TIAM1: variants seen among roughly 807,000 people sequenced by gnomAD.
TIAM1 encodes TIAM Rac1 associated GEF 1.
In TIAM1, 65 loss-of-function variants were observed where a neutral mutation model predicts 163.5. The ratio of observed to expected loss-of-function variants is 0.40; its 90% confidence interval spans 0.33 to 0.49. TIAM1 has a LOEUF of 0.49. Ranked by LOEUF, TIAM1 falls within the 20% of genes least tolerant of loss-of-function variation. The pLI, the probability that TIAM1 is intolerant of heterozygous loss-of-function variation, is 0.77. For synonymous variants in TIAM1, 833 were observed against 810.1 expected (o/e 1.03, Z -0.48); for missense variants, 1,789 against 2,044.7 (o/e 0.87, Z 2.41).
At chr21:31,275,103 C>T (rs1333685251) in intron 3 of TIAM1, among the ~76,000 whole-genome samples, 1 of 143,214 alleles carries the variant, frequency 7.0e-6, no homozygotes, top group East Asian at 2.1e-4. Context: ...GCCTGGGTGA[C>T]AGAGCAAAAT....
intron 13 of TIAM1, among the ~76,000 whole-genome samples, chr21:31,192,661 G>A (rs1259124049): frequency 1.3e-5 from 2 of 151,844 alleles, no homozygotes; most frequent in Admixed American, 1.3e-4. Flanking sequence ...AATCTTAAGC[G>A]AGCATATGAG....
chr21:31,469,277 G>C (rs1474334966), intron 1 of TIAM1, among the ~76,000 whole-genome samples: 1 of 151,296 alleles, frequency 6.6e-6, no homozygotes, highest in African/African-American at 2.4e-5. Context: ...GCAGCAGGGG[G>C]GTTGGTAGAG....
chr21:31,439,829 C>A (rs2147298182), intron 2 of TIAM1, among the ~76,000 whole-genome samples: 1 of 152,312 alleles, frequency 6.6e-6, no homozygotes, highest in Non-Finnish European at 1.5e-5. Context: ...CCACTTTCTG[C>A]TGAACCATGT....
At chr21:31,382,773 T>A (rs575626662) in intron 2 of TIAM1, among the ~76,000 whole-genome samples, 6 of 152,298 alleles carry the variant, frequency 3.9e-5, no homozygotes, top group African/African-American at 7.2e-5. Flanking sequence ...ACTAAAAAAA[T>A]TAATGAAAGC....
rs1256067838 is a variant in TIAM1 at position 31,516,733 on chromosome 21, G to A, written c.-422+42194C>T. 2.0e-5 allele frequency among the ~76,000 whole-genome samples: 3 copies of A among 150,924 alleles called. No homozygotes were observed. The East Asian group carries it at 5.8e-4, about 29-fold the overall frequency. On this transcript the variant is annotated intron_variant, in intron 1 of 28. Coordinates refer to the TIAM1 transcript ENST00000286827. ...AAAATCAGAATAAAATTGAATAACA[G>A]GGCAGCACAGCACAAAATCCTTAGA...
At chr21:31,527,287 T>C (rs1196929063) in intron 1 of TIAM1, among the ~76,000 whole-genome samples, 1 of 152,038 alleles carries the variant, frequency 6.6e-6, no homozygotes, top group Non-Finnish European at 1.5e-5. Context: ...ATTTTCTAAA[T>C]AGAAAATTTT....
chr21:31,387,554 G>T (rs1387852977), intron 2 of TIAM1, among the ~76,000 whole-genome samples: 1 of 151,832 alleles, frequency 6.6e-6, no homozygotes, highest in Non-Finnish European at 1.5e-5. Flanking sequence ...TGGTGTGCAG[G>T]GACACTGTCT....
chr21:31,302,012 G>A (rs1014936618), intron 2 of TIAM1, among the ~76,000 whole-genome samples: 15 of 151,180 alleles, frequency 9.9e-5, no homozygotes, highest in African/African-American at 3.6e-4. Flanking sequence ...ATATAAAATG[G>A]AGATGTAAAT....
intron 9 of TIAM1, among the ~76,000 whole-genome samples, chr21:31,217,161 T>G (rs369069778): frequency 1.3e-5 from 2 of 151,496 alleles, no homozygotes; most frequent in East Asian, 3.9e-4. Context: ...CAGCCAAGAT[T>G]GTGCCACTGC....
chr21:31,148,971 TTG>T (rs557806003), intron 19 of TIAM1, among the ~76,000 whole-genome samples: 4 of 26,696 alleles, frequency 1.5e-4, no homozygotes, highest in African/African-American at 2.6e-4. Flanking sequence ...TCTTTTTTTT[TTG>T]GTCAAATATA....
At chr21:31,330,994 A>G (rs1401693898) in intron 2 of TIAM1, among the ~76,000 whole-genome samples, 1 of 152,128 alleles carries the variant, frequency 6.6e-6, no homozygotes, top group Non-Finnish European at 1.5e-5. Flanking sequence ...TATTAAATAA[A>G]CATGTCCGTG....
At chr21:31,210,561 A>AGAAG (rs1569030843) in intron 10 of TIAM1, among the ~76,000 whole-genome samples, 19 of 117,622 alleles carry the variant, frequency 1.6e-4, no homozygotes, top group African/African-American at 8.0e-4. Context: ...AAAGAAAGAA[A>AGAAG]GAAAGAAAGA....
At chr21:31,556,961 A>G (rs1307753796) in intron 1 of TIAM1, among the ~76,000 whole-genome samples, 1 of 152,208 alleles carries the variant, frequency 6.6e-6, no homozygotes, top group Admixed American at 6.5e-5. Flanking sequence ...TCTCCTAGAA[A>G]GTGTTCCCTC....
At chr21:31,309,437 G>A (rs140905575) in intron 2 of TIAM1, among the ~76,000 whole-genome samples, 1,596 of 152,242 alleles carry the variant, frequency 0.01, 37 homozygotes, top group African/African-American at 0.037. Context: ...CATCCTGGGC[G>A]ACAGAGTGAG....
intron 1 of TIAM1, among the ~76,000 whole-genome samples, chr21:31,546,918 G>C (rs1381074894): frequency 2.7e-5 from 4 of 150,612 alleles, no homozygotes; most frequent in Non-Finnish European, 5.9e-5. Context: ...TGTTACTACT[G>C]TCTCAGCTGT....
At chr21:31,365,908 C>T (rs140243478) in intron 2 of TIAM1, among the ~76,000 whole-genome samples, 13,094 of 151,400 alleles carry the variant, frequency 0.086, 993 homozygotes, top group East Asian at 0.43. Flanking sequence ...TGAGACCATC[C>T]TGGCCAACAT....
At chr21:31,233,076 A>AT (rs1440730052) in intron 6 of TIAM1, among the ~76,000 whole-genome samples, 1 of 152,244 alleles carries the variant, frequency 6.6e-6, no homozygotes, top group Non-Finnish European at 1.5e-5. Context: ...ATCCAATGGC[A>AT]TGGAGGACAC....
At chr21:31,276,653 G>A (rs187516949) in intron 3 of TIAM1, 79 bp downstream of exon 3, 3 of 152,296 alleles carry the variant, frequency 2.0e-5, no homozygotes, top group African/African-American at 7.2e-5. Context: ...ATAGTAAAAC[G>A]TATCTGTCCC....
At chr21:31,218,513 G>C (rs1569048253) in intron 8 of TIAM1, among the ~76,000 whole-genome samples, 1 of 151,468 alleles carries the variant, frequency 6.6e-6, no homozygotes, top group East Asian at 1.9e-4. Context: ...AGGTTGCAGT[G>C]AGCTGAGAAC....
Sources: gnomAD v4.1 joint callset for allele counts (sites outside exome capture counted in the v4.1 genomes callset) on GRCh38, gnomAD v4.1.1 for gene constraint, MANE v1.5 for transcripts, NCBI Gene and HGNC (gene_info 2026-07-23, HGNC 2026-07-21) for gene names.